ADAMTS14: variants seen among roughly 807,000 people sequenced by gnomAD.
ADAMTS14 encodes A disintegrin and metalloproteinase with thrombospondin motifs 14.
ADAMTS14 carries 100 observed loss-of-function variants against 128.6 expected under a neutral mutation model. The observed-to-expected ratio is 0.78, with a 90% CI of 0.66 to 0.92. ADAMTS14 has a LOEUF of 0.92. ADAMTS14 is among the 40% of genes least tolerant of loss of function. The pLI is 0.00. For missense variants in ADAMTS14, 1,562 were observed against 1,658.6 expected (o/e 0.94, Z 1.01); for synonymous variants, 665 against 653.8 (o/e 1.02, Z -0.26).
intron 3 of ADAMTS14, among the ~76,000 whole-genome samples, chr10:70,706,295 A>AT (rs1840665337): frequency 6.6e-6 from 1 of 152,220 alleles, no homozygotes; most frequent in Non-Finnish European, 1.5e-5. Context: ...GGCTGTTGTC[A>AT]TGAAGCTGCT....
chr10:70,720,218 T>G (rs895613714), intron 4 of ADAMTS14, among the ~76,000 whole-genome samples: 27 of 152,170 alleles, frequency 1.8e-4, no homozygotes, highest in African/African-American at 5.6e-4. Flanking sequence ...AGTGCTCACT[T>G]GGAACCCACA....
chr10:70,688,036 T>G (rs1463628212), intron 2 of ADAMTS14, among the ~76,000 whole-genome samples: 1 of 42,146 alleles, frequency 2.4e-5, no homozygotes, highest in African/African-American at 9.5e-5. Context: ...CCAGATGGGG[T>G]GGCTGCCGGG....
chr10:70,718,438 A>G (rs934513777), intron 4 of ADAMTS14, among the ~76,000 whole-genome samples: 4 of 152,126 alleles, frequency 2.6e-5, no homozygotes, highest in African/African-American at 7.2e-5. Flanking sequence ...CCCAGGCTGG[A>G]GTGCAGTGGT....
At chr10:70,717,624 C>T (rs560596462) in intron 4 of ADAMTS14, among the ~76,000 whole-genome samples, 10 of 152,208 alleles carry the variant, frequency 6.6e-5, no homozygotes, top group Middle Eastern at 3.4e-3. Flanking sequence ...TTCTCTGGGG[C>T]GAGGACCTCT....
intron 19 of ADAMTS14, among the ~76,000 whole-genome samples, chr10:70,755,965 G>A (rs554470719): frequency 7.2e-5 from 11 of 152,308 alleles, no homozygotes; most frequent in South Asian, 2.1e-4. Flanking sequence ...ACATTAGGAC[G>A]TATCTCAAAT....
intron 11 of ADAMTS14, 39 bp from the exon 12 acceptor site, chr10:70,740,948 C>T (rs760044743): frequency 1.1e-5 from 18 of 1,602,286 alleles, no homozygotes; most frequent in Non-Finnish European, 1.5e-5. Flanking sequence ...CCAGCCTTCC[C>T]AGCCAGCAAG....
chr10:70,691,598 C>T (rs1840192495), intron 2 of ADAMTS14, among the ~76,000 whole-genome samples: 1 of 151,852 alleles, frequency 6.6e-6, no homozygotes, highest in East Asian at 1.9e-4. Context: ...TCACCTTCAT[C>T]ATCAACATTA....
intron 18 of ADAMTS14, 98 bp from the exon 19 acceptor site, chr10:70,753,700 ACT>A: frequency 7.7e-7 from 1 of 1,298,494 alleles, no homozygotes; most frequent in African/African-American, 1.5e-5. Flanking sequence ...ACCCAAACCC[ACT>A]CTCTGGCTCC....
chr10:70,717,876 G>A (rs1417246382), intron 4 of ADAMTS14, among the ~76,000 whole-genome samples: 1 of 152,188 alleles, frequency 6.6e-6, no homozygotes, highest in Non-Finnish European at 1.5e-5. Context: ...TGGGGTGGTT[G>A]CCGGGACAAC....
At chr10:70,743,041 C>G (rs1842054060) in intron 12 of ADAMTS14, among the ~76,000 whole-genome samples, 1 of 152,182 alleles carries the variant, frequency 6.6e-6, no homozygotes, top group African/African-American at 2.4e-5. Flanking sequence ...AGGTTAGAAT[C>G]CAGGCTGAAC....
intron 4 of ADAMTS14, among the ~76,000 whole-genome samples, chr10:70,727,170 G>A (rs937925480): frequency 7.9e-5 from 12 of 152,182 alleles, no homozygotes; most frequent in Admixed American, 5.2e-4. Context: ...TGATGCACGC[G>A]GCTTCTGCTG....
At position 70,762,022 on chromosome 10, in the gene ADAMTS14, G is replaced by C. The variant is rs1842623371; in HGVS notation, c.*1169G>C. On this transcript the variant is annotated 3_prime_UTR_variant, in exon 22 of 22. Coordinates refer to ENST00000373207, the MANE Select transcript of ADAMTS14 (RefSeq NM_080722.4). ...CACCCACGGTGCTGTAAGGGCCTGA[G>C]CTGTGCTCAGCTGCCGGCCATGCTA... is the stretch of plus-strand genomic sequence containing the variant. 1 of 152,740 alleles carries C rather than the reference G, an allele frequency of 6.5e-6. No homozygotes were observed. The highest frequency in any genetic ancestry group is 1.5e-5 in the Non-Finnish European group (1 of 68,108). The allele number at this position is 152,740 out of a possible 1,614,324, so 9.5% of individuals were successfully genotyped here. A position where few individuals can be genotyped will look rare whatever the true frequency, so the allele number is the denominator to read the frequency against.
rs746967690 is a variant in ADAMTS14, at chr10:70,733,954, G to A, written c.1278G>A (p.Ala426=). The A allele has an allele frequency of 1.6e-5, 26 of 1,613,856 alleles. No homozygotes were observed. The highest frequency in any genetic ancestry group is 1.7e-4 in the Middle Eastern group (1 of 6,056). The change falls in exon 8 of 22, where the codon GCG becomes GCA. Residue 426 remains alanine (A), a synonymous_variant. Coordinates refer to ENST00000373207, the MANE Select transcript of ADAMTS14 (RefSeq NM_080722.4). ...AGACCAGCCTGGGCAGCGTCATGGC[G>A]CCCCTGGTGCAGGCTGCCTTCCACC... is the stretch of plus-strand genomic sequence containing the variant. ...ADETSLGSVM[A]PLVQAAFHRF...
In ADAMTS14 at chr10:70,759,129, T is replaced by TTTTTTTTTTTTTTTTTTTTTTTTTAG. The variant is rs1485675752; in HGVS notation, c.3178+844_3178+845insTTTTTTTTTTTTTTTTTTTTTTTTAG. ...AAAGGACCTTCTACCTCCAATCTTC[T>TTTTTTTTTTTTTTTTTTTTTTTTTAG]ACTTCTCTGCTCCTAGGCTGAGGTT... On this transcript the variant is annotated intron_variant, in intron 21 of 21. Coordinates refer to ENST00000373207, the MANE Select transcript of ADAMTS14 (RefSeq NM_080722.4). Among the ~76,000 whole-genome samples the TTTTTTTTTTTTTTTTTTTTTTTTTAG allele has an allele frequency of 1.2e-3, 139 of 112,584 alleles. 3 individuals carry two copies. The highest frequency in any genetic ancestry group is 1.6e-3 in the Non-Finnish European group (84 of 53,780). The allele number at this position is 112,584 out of a possible 152,430, so 73.9% of individuals were successfully genotyped here.
intron 1 of ADAMTS14, among the ~76,000 whole-genome samples, chr10:70,673,516 C>T (rs1039860009): frequency 6.6e-6 from 1 of 152,096 alleles, no homozygotes; most frequent in Admixed American, 6.5e-5. Context: ...GAGGAGTCAC[C>T]GGTCATTTCC....
At chr10:70,750,197 A>C (rs557455058) in intron 16 of ADAMTS14, among the ~76,000 whole-genome samples, 1 of 152,336 alleles carries the variant, frequency 6.6e-6, no homozygotes, top group South Asian at 2.1e-4. Flanking sequence ...TTGTCTCCTC[A>C]CTGTCAGACC....
intron 19 of ADAMTS14, among the ~76,000 whole-genome samples, chr10:70,756,479 A>G (rs1433439068): frequency 5.3e-5 from 8 of 152,248 alleles, no homozygotes; most frequent in Admixed American, 4.6e-4. Context: ...AGCAAAATAT[A>G]GAGATGAATC....
At chr10:70,678,294 C>T (rs984630135) in intron 2 of ADAMTS14, among the ~76,000 whole-genome samples, 23 of 152,206 alleles carry the variant, frequency 1.5e-4, no homozygotes, top group African/African-American at 5.1e-4. Flanking sequence ...AGAGTCAGGT[C>T]CCTGTCCTCG....
At chr10:70,741,209 C>T (rs759444748) in intron 12 of ADAMTS14, 47 bp downstream of exon 12, 57 of 1,590,630 alleles carry the variant, frequency 3.6e-5, no homozygotes, top group East Asian at 2.9e-4. Flanking sequence ...TAGGCATCTG[C>T]GGGGGCTGTG....
Sources: allele counts gnomAD v4.1 joint callset (sites outside exome capture counted in the v4.1 genomes callset), GRCh38; gene constraint gnomAD v4.1.1; transcripts MANE v1.5; gene names NCBI Gene and HGNC (gene_info 2026-07-23, HGNC 2026-07-21).